Variants in TMEM132D observed in about 807,000 individuals in gnomAD.
The protein encoded by TMEM132D is mature OL transmembrane protein.
Under a neutral mutation model 62.3 loss-of-function variants are expected in TMEM132D, and 21 were observed. That is an observed-to-expected ratio of 0.34 (90% CI 0.24 to 0.49). TMEM132D has a LOEUF of 0.49. Among genes scored for constraint, TMEM132D ranks in the 20% least tolerant of loss-of-function variants. The probability of loss-of-function intolerance (pLI) is 0.99; values close to 1 mark genes in which losing one functional copy is unlikely to be tolerated. For missense variants in TMEM132D, 1,346 were observed against 1,402.8 expected (o/e 0.96, Z 0.65); for synonymous variants, 621 against 575.6 (o/e 1.08, Z -1.13).
chr12:129,388,790 A>T (rs1871210419), intron 3 of TMEM132D, among the ~76,000 whole-genome samples: 2 of 117,074 alleles, frequency 1.7e-5, no homozygotes, highest in African/African-American at 6.6e-5. Context: ...CACTGATGAT[A>T]ATATTAACAC....
At chr12:129,383,638 C>T (rs1871018331) in intron 3 of TMEM132D, among the ~76,000 whole-genome samples, 1 of 152,122 alleles carries the variant, frequency 6.6e-6, no homozygotes, top group Non-Finnish European at 1.5e-5. Context: ...AGGGTTTCAA[C>T]ATATTGGCCA....
In TMEM132D at chr12:129,600,029, A is replaced by G. The variant is rs148874039; in HGVS notation, c.969-68824T>C. Among the ~76,000 whole-genome samples the G allele has an allele frequency of 9.4e-3, 1,433 of 152,330 alleles. 24 individuals are homozygous for G. Among genetic ancestry groups the G allele is most frequent in the African/African-American group, 0.033 (1,382 of 41,572 alleles). ...TGCATCAATGGACTCGTCTTTTGACAAAAGATTTCTCTGTAGCATGCGATG... is the reference window on the plus strand; with the variant it reads ...TGCATCAATGGACTCGTCTTTTGACGAAAGATTTCTCTGTAGCATGCGATG... On this transcript the variant is annotated intron_variant, in intron 2 of 8. Coordinates refer to ENST00000422113, the MANE Select transcript of TMEM132D (RefSeq NM_133448.3).
intron 2 of TMEM132D, among the ~76,000 whole-genome samples, chr12:129,537,431 G>T (rs1380665746): frequency 6.6e-6 from 1 of 152,080 alleles, no homozygotes; most frequent in Non-Finnish European, 1.5e-5. Flanking sequence ...TCCCAAGAAC[G>T]GGGTGCATGA....
chr12:129,810,201 T>C (rs1872125980), intron 1 of TMEM132D, among the ~76,000 whole-genome samples: 2 of 152,148 alleles, frequency 1.3e-5, no homozygotes, highest in African/African-American at 4.8e-5. Flanking sequence ...TTGGAAGTTA[T>C]AGCGAAGACA....
intron 1 of TMEM132D, among the ~76,000 whole-genome samples, chr12:129,706,279 A>C (rs182303154): frequency 1.3e-5 from 2 of 152,158 alleles, no homozygotes; most frequent in Admixed American, 1.3e-4. Context: ...TATTTTAAAA[A>C]TTAATGAATA....
intron 1 of TMEM132D, among the ~76,000 whole-genome samples, chr12:129,865,216 C>T (rs1203626174): frequency 6.6e-6 from 1 of 152,180 alleles, no homozygotes; most frequent in Non-Finnish European, 1.5e-5. Flanking sequence ...TGAGGGGTAG[C>T]TCTGCAATGG....
intron 1 of TMEM132D, among the ~76,000 whole-genome samples, chr12:129,780,893 A>G (rs1032952413): frequency 6.6e-6 from 1 of 152,214 alleles, no homozygotes; most frequent in Non-Finnish European, 1.5e-5. Context: ...GGAACTTAGC[A>G]GTATTCCAGT....
chr12:129,632,259 G>A (rs1405801606), intron 2 of TMEM132D, among the ~76,000 whole-genome samples: 1 of 152,120 alleles, frequency 6.6e-6, no homozygotes, highest in Non-Finnish European at 1.5e-5. Context: ...TCCTGCCCTC[G>A]GTGGCTGAGG....
At chr12:129,100,023 C>G (rs972781243) in intron 5 of TMEM132D, among the ~76,000 whole-genome samples, 1 of 146,738 alleles carries the variant, frequency 6.8e-6, no homozygotes, top group African/African-American at 2.5e-5. Context: ...GACGGGGCCA[C>G]TTTATTTTTT....
chr12:129,257,192 C>T (rs971864332), intron 4 of TMEM132D, among the ~76,000 whole-genome samples: 5 of 149,008 alleles, frequency 3.4e-5, no homozygotes, highest in Non-Finnish European at 7.4e-5. Context: ...TCCAGGCATC[C>T]CCTGTTTCTT....
At chr12:129,725,408 A>G (rs1868994976) in intron 1 of TMEM132D, among the ~76,000 whole-genome samples, 1 of 152,260 alleles carries the variant, frequency 6.6e-6, no homozygotes. Flanking sequence ...TATAAATACC[A>G]TCACTGTGAC....
chr12:129,510,288 T>C (rs1170472360), intron 3 of TMEM132D, among the ~76,000 whole-genome samples: 2 of 152,174 alleles, frequency 1.3e-5, no homozygotes, highest in African/African-American at 2.4e-5. Flanking sequence ...TTCAGGTCTT[T>C]TGCCTATTTT....
At chr12:129,282,489 A>G (rs1881183999) in intron 4 of TMEM132D, among the ~76,000 whole-genome samples, 2 of 152,180 alleles carry the variant, frequency 1.3e-5, no homozygotes. Context: ...CCAGATGAAC[A>G]CCAGCTACGA....
At chr12:129,241,477 C>T (rs1259288501) in intron 4 of TMEM132D, among the ~76,000 whole-genome samples, 1 of 152,102 alleles carries the variant, frequency 6.6e-6, no homozygotes. Flanking sequence ...TCTGCATGCC[C>T]TCTCCTACGG....
chr12:129,257,763 A>T (rs1417634324), intron 4 of TMEM132D, among the ~76,000 whole-genome samples: 1 of 152,152 alleles, frequency 6.6e-6, no homozygotes, highest in East Asian at 1.9e-4. Flanking sequence ...GAATGTAGGA[A>T]GGTGTGAGCT....
At chr12:129,143,865 A>G (rs1315152986) in intron 5 of TMEM132D, among the ~76,000 whole-genome samples, 1 of 152,094 alleles carries the variant, frequency 6.6e-6, no homozygotes, top group Non-Finnish European at 1.5e-5. Context: ...ATACAATTTG[A>G]GAACTCAAAT....
intron 2 of TMEM132D, among the ~76,000 whole-genome samples, chr12:129,650,238 C>T (rs1879893720): frequency 6.6e-6 from 1 of 152,116 alleles, no homozygotes; most frequent in Non-Finnish European, 1.5e-5. Flanking sequence ...ACGCATCTAC[C>T]TGTAATTTCA....
intron 3 of TMEM132D, among the ~76,000 whole-genome samples, chr12:129,456,697 G>A (rs944827968): frequency 1.3e-5 from 2 of 152,160 alleles, no homozygotes; most frequent in African/African-American, 4.8e-5. Flanking sequence ...AGATGGAACT[G>A]TTTGTTTCTC....
intron 1 of TMEM132D, among the ~76,000 whole-genome samples, chr12:129,808,261 C>G (rs1872058101): frequency 6.6e-6 from 1 of 152,146 alleles, no homozygotes; most frequent in South Asian, 2.1e-4. Flanking sequence ...ATGAGAAGAG[C>G]AGAAGTCAAT....
Sources: gnomAD v4.1 joint callset for allele counts (sites outside exome capture counted in the v4.1 genomes callset) on GRCh38, gnomAD v4.1.1 for gene constraint, MANE v1.5 for transcripts, NCBI Gene and HGNC (gene_info 2026-07-23, HGNC 2026-07-21) for gene names.